Variants in FOXN3 observed in about 807,000 individuals in gnomAD.
FOXN3 encodes the protein forkhead box N3, also known as forkhead box protein N3.
FOXN3 carries 7 observed loss-of-function variants against 38.4 expected under a neutral mutation model. The ratio of observed to expected loss-of-function variants is 0.18; its 90% confidence interval spans 0.10 to 0.34. The LOEUF (loss-of-function observed/expected upper bound fraction) is 0.34. FOXN3 is among the 10% of genes least tolerant of loss of function. The pLI, the probability that FOXN3 is intolerant of heterozygous loss-of-function variation, is 1.00. For synonymous variants in FOXN3, 230 were observed against 242.2 expected (o/e 0.95, Z 0.47); for missense variants, 456 against 613.4 (o/e 0.74, Z 2.71).
At chr14:89,268,123 G>C (rs1399940143) in intron 4 of FOXN3, among the ~76,000 whole-genome samples, 1 of 152,080 alleles carries the variant, frequency 6.6e-6, no homozygotes, top group Non-Finnish European at 1.5e-5. Flanking sequence ...TATGCTGCTT[G>C]GTTTAGCCAA....
intron 1 of FOXN3, among the ~76,000 whole-genome samples, chr14:89,469,074 G>A (rs1197191530): frequency 1.3e-5 from 2 of 152,202 alleles, no homozygotes; most frequent in African/African-American, 2.4e-5. Context: ...CACTCCTTGT[G>A]TTGATTTGAA....
At chr14:89,175,136 T>C (rs527668435) in intron 5 of FOXN3, among the ~76,000 whole-genome samples, 7 of 152,350 alleles carry the variant, frequency 4.6e-5, no homozygotes, top group Admixed American at 2.0e-4. Context: ...TATTTTGACA[T>C]GACCTTAAGA....
At chr14:89,528,539 G>A (rs1270928240) in intron 1 of FOXN3, among the ~76,000 whole-genome samples, 1 of 151,828 alleles carries the variant, frequency 6.6e-6, no homozygotes, top group Non-Finnish European at 1.5e-5. Flanking sequence ...TGGGACTACA[G>A]GCATGTGCCA....
chr14:89,354,223 G>T (rs11627588), intron 2 of FOXN3, among the ~76,000 whole-genome samples: 111,041 of 150,738 alleles, frequency 0.74, 41,677 homozygotes, highest in Non-Finnish European at 0.81. Context: ...TTTTTGTTTG[G>T]TTTTTTTTGT....
intron 1 of FOXN3, among the ~76,000 whole-genome samples, chr14:89,492,313 G>A (rs1402874148): frequency 6.6e-6 from 1 of 152,198 alleles, no homozygotes; most frequent in East Asian, 1.9e-4. Flanking sequence ...CACCAGGCAA[G>A]CCAGGGCATG....
At position 89,162,826 on chromosome 14, in the gene FOXN3, G is replaced by T. The variant is rs1278109495; in HGVS notation, c.995C>A (p.Ser332Tyr). The change falls in exon 6 of 6, where the codon TCC becomes TAC. Residue 332 changes from serine to tyrosine, a missense_variant. This residue lies in a region of FOXN3 where 386 missense variants were observed against 505.2 expected (regional missense o/e 0.76). Coordinates refer to ENST00000557258, the MANE Select transcript of FOXN3 (RefSeq NM_005197.4). This position sits in a 1 kb window ranked among gnomAD's most constrained non-coding sequence, Gnocchi z 7.2. ...NARSTSPTSD[S>Y]ISSSSSSADD... The stretch of plus-strand genomic sequence containing the variant: ...GGCTGAGGAGGAGGAGGAGGAGATG[G>T]AGTCGCTGGTGGGCGAGGTGCTCCG... 6.2e-7 allele frequency: 1 copy of T among 1,612,194 alleles called. No individual in the cohort carries two copies.
intron 1 of FOXN3, among the ~76,000 whole-genome samples, chr14:89,510,666 G>T (rs1218494459): frequency 1.3e-5 from 2 of 152,162 alleles, no homozygotes; most frequent in Non-Finnish European, 2.9e-5. Flanking sequence ...ACCCAGACTA[G>T]GCACGGTGGC....
chr14:89,215,316 G>A (rs1596108204), intron 4 of FOXN3, among the ~76,000 whole-genome samples: 1 of 148,300 alleles, frequency 6.7e-6, no homozygotes, highest in Non-Finnish European at 1.5e-5. Context: ...TATCTTTTTT[G>A]CTTCATTTCT....
In FOXN3 at chr14:89,350,858, C is replaced by T. The variant is rs765827361; in HGVS notation, c.544-50G>A. 3.9e-5 allele frequency: 53 copies of T among 1,370,716 alleles called. 1 individual carries two copies. The Middle Eastern group carries it at 1.2e-3, about 30-fold the overall frequency. 84.9% of individuals were successfully genotyped at this position (1,370,716 alleles called of 1,614,324 possible). Reference sequence around the variant, plus strand: ...GGCATTAATAGAGAATTATTAAGTACTTTGCAATAAGTAGATGTATAGCTA... The same window carrying T: ...GGCATTAATAGAGAATTATTAAGTATTTTGCAATAAGTAGATGTATAGCTA... On this transcript the variant is annotated intron_variant, in intron 2 of 5. Coordinates refer to ENST00000557258, the MANE Select transcript of FOXN3 (RefSeq NM_005197.4).
rs55935162 is a variant in FOXN3 at position 89,528,376 on chromosome 14, C to CTTTTTTTTTTTTTTTTTTT, written c.-15+90633_-15+90651dup. On this transcript the variant is annotated intron_variant, in intron 1 of 6. Transcript: ENST00000345097. ...TCATCCATACTCAACATGGATGAAT[C>CTTTTTTTTTTTTTTTTTTT]TTTTTTTTTTTTTTTTTTTTTTTTT... is the stretch of plus-strand genomic sequence containing the variant. Among the ~76,000 whole-genome samples the CTTTTTTTTTTTTTTTTTTT allele has an allele frequency of 9.3e-5, 5 of 53,576 alleles. 1 individual carries two copies. The highest frequency in any genetic ancestry group is 1.0e-4 in the Non-Finnish European group (3 of 29,540). The allele number at this position is 53,576 out of a possible 152,430, so 35.1% of individuals were successfully genotyped here.
intron 1 of FOXN3, among the ~76,000 whole-genome samples, chr14:89,595,908 G>A (rs189947219): frequency 1.3e-5 from 2 of 152,074 alleles, no homozygotes; most frequent in South Asian, 2.1e-4. Context: ...TTTTTTAATC[G>A]AGAATAAATG....
chr14:89,453,554 C>T lies in FOXN3; in HGVS notation c.-14-41064G>A, dbSNP rs556556916. Among the ~76,000 whole-genome samples the T allele has an allele frequency of 3.7e-3, 411 of 111,414 alleles. 1 individual carries two copies. The highest frequency in any genetic ancestry group is 5.2e-3 in the Non-Finnish European group (302 of 57,962). The allele number at this position is 111,414 out of a possible 152,430, so 73.1% of individuals were successfully genotyped here. A position where few individuals can be genotyped will look rare whatever the true frequency, so the allele number is the denominator to read the frequency against. On this transcript the variant is annotated intron_variant, in intron 1 of 6. Transcript: ENST00000345097. ...CAGCCTGGGCGACACAGCAAGACTC[C>T]GTCTCAAAAAAAAAAAAAAAAAAAA...
At chr14:89,278,737 G>A (rs1046142256) in intron 4 of FOXN3, among the ~76,000 whole-genome samples, 2 of 152,132 alleles carry the variant, frequency 1.3e-5, no homozygotes, top group Non-Finnish European at 2.9e-5. Flanking sequence ...CTACTCGTCT[G>A]ATTATCTAGA....
intron 3 of FOXN3, among the ~76,000 whole-genome samples, chr14:89,295,762 A>AT (rs1032063820): frequency 0.042 from 5,119 of 123,194 alleles, 213 homozygotes; most frequent in African/African-American, 0.084. Context: ...TAATTTTTGC[A>AT]TTTTTTTTTT....
chr14:89,587,726 G>A (rs1244634920), intron 1 of FOXN3, among the ~76,000 whole-genome samples: 1 of 152,090 alleles, frequency 6.6e-6, no homozygotes, highest in Non-Finnish European at 1.5e-5. Flanking sequence ...AATTAGCCAG[G>A]TGTGGTGGCA....
upstream of FOXN3, among the ~76,000 whole-genome samples, chr14:89,421,295 A>G (rs1891900480): frequency 6.6e-6 from 1 of 151,696 alleles, no homozygotes; most frequent in African/African-American, 2.4e-5. Context: ...GATTATAGGC[A>G]TGCACCACCA....
Position 89,162,939 on chromosome 14 carries a change from A to G in FOXN3, c.882T>C (p.Thr294=). ...GGGAGCCACAAGATGGCTCACTCTCAGTCCGCATCCGGCAGCTGGTGATGC... is the reference window on the plus strand; with the variant it reads ...GGGAGCCACAAGATGGCTCACTCTCGGTCCGCATCCGGCAGCTGGTGATGC... The part of the protein sequence containing the change: ...RNGITSCRMR[T]ESEPSCGSPV... The change falls in exon 6 of 6, where the codon ACT becomes ACC. Residue 294 remains threonine (T), a synonymous_variant. Coordinates refer to ENST00000557258, the MANE Select transcript of FOXN3 (RefSeq NM_005197.4). This position sits in a 1 kb window ranked among gnomAD's most constrained non-coding sequence, Gnocchi z 7.2. 1 of 1,578,066 alleles carries G rather than the reference A, an allele frequency of 6.3e-7. No individual in the cohort carries two copies. Among genetic ancestry groups the G allele is most frequent in the Non-Finnish European group, 8.6e-7 (1 of 1,158,596 alleles).
At chr14:89,614,990 A>C (rs1278109911) in intron 1 of FOXN3, among the ~76,000 whole-genome samples, 1 of 152,180 alleles carries the variant, frequency 6.6e-6, no homozygotes, top group East Asian at 1.9e-4. Flanking sequence ...TGAAGCAATT[A>C]AATATACTCA....
At chr14:89,575,087 A>C (rs1170795828) in intron 1 of FOXN3, among the ~76,000 whole-genome samples, 1 of 152,208 alleles carries the variant, frequency 6.6e-6, no homozygotes, top group Non-Finnish European at 1.5e-5. Flanking sequence ...AAGGTTGTCT[A>C]TACTGACTCT....
Sources: gnomAD v4.1 joint callset for allele counts (sites outside exome capture counted in the v4.1 genomes callset) on GRCh38, gnomAD v4.1.1 for gene constraint, gnomAD v4.1.1 regional missense constraint, Gnocchi (gnomAD v3.1) non-coding constraint, MANE v1.5 for transcripts, NCBI Gene and HGNC (gene_info 2026-07-23, HGNC 2026-07-21) for gene names.